The following DENND2D variants were observed in gnomAD, a reference collection of about 807,000 sequenced individuals.
DENND2D encodes DENN domain-containing protein 2D.
A neutral mutation model predicts 59.8 loss-of-function variants in DENND2D; 37 were observed. The observed-to-expected ratio is 0.62, with a 90% CI of 0.48 to 0.81. DENND2D has a LOEUF of 0.81. Ranked by LOEUF, DENND2D falls within the 40% of genes least tolerant of loss-of-function variation. The pLI is 0.00. For missense variants in DENND2D, 525 were observed against 579.7 expected (o/e 0.91, Z 0.97); for synonymous variants, 219 against 211.3 (o/e 1.04, Z -0.31).
chr1:111,190,792 T>G (rs753794291), intron 8 of DENND2D, among the ~76,000 whole-genome samples: 9 of 152,200 alleles, frequency 5.9e-5, no homozygotes, highest in Non-Finnish European at 1.3e-4. Context: ...AAATAGAGCA[T>G]GCACTGTAAT....
rs553299412 is a variant in DENND2D, at chr1:111,196,780, C to T, written c.504+396G>A. 2.4e-5 allele frequency: 5 copies of T among 206,438 alleles called. No homozygotes were observed. In the East Asian group the frequency reaches 3.1e-4, roughly 13 times the overall value. The allele number at this position is 206,438 out of a possible 1,614,324, so 12.8% of individuals were successfully genotyped here. On this transcript the variant is annotated intron_variant, in intron 5 of 11. Transcript: ENST00000357640. Reference sequence around the variant, plus strand: ...ATAACTCCTTCATATTTGTTTAGTGCTCTGCCTTTTATAAAGAGTCTTCTC... The same window carrying T: ...ATAACTCCTTCATATTTGTTTAGTGTTCTGCCTTTTATAAAGAGTCTTCTC...
intron 11 of DENND2D, among the ~76,000 whole-genome samples, 184 bp from the exon 12 acceptor site, chr1:111,187,865 CAG>C (rs1050848522): frequency 1.3e-5 from 2 of 152,184 alleles, no homozygotes; most frequent in African/African-American, 4.8e-5. Flanking sequence ...AGCCCATAAA[CAG>C]AGGATACTTA....
chr1:111,187,646 G>T lies in DENND2D; in HGVS notation c.1375C>A (p.Gln459Lys). 1 of 1,613,860 alleles carries T rather than the reference G, an allele frequency of 6.2e-7. No homozygotes were observed. Among genetic ancestry groups the T allele is most frequent in the Non-Finnish European group, 8.5e-7 (1 of 1,179,858 alleles). The change falls in exon 12 of 12, where the codon CAG becomes AAG. Residue 459 changes from glutamine to lysine, a missense_variant. By Grantham distance (53) the Gln-to-Lys change is moderately conservative (BLOSUM62 1). Transcript: ENST00000357640. ...TCCCTTGGTTTCTTCTGTTTCTTCT[G>T]TTCCTCATATTCAAGTATTTTCTGT... is the stretch of plus-strand genomic sequence containing the variant. ...FQQKILEYEE[Q>K]KKQKKPREKT...
intron 7 of DENND2D, among the ~76,000 whole-genome samples, chr1:111,193,073 A>G (rs1225382278): frequency 6.6e-6 from 1 of 152,208 alleles, no homozygotes; most frequent in African/African-American, 2.4e-5. Flanking sequence ...ACATACACAC[A>G]GTCCCACTCT....
intron 8 of DENND2D, among the ~76,000 whole-genome samples, chr1:111,189,784 T>C (rs1266438900): frequency 1.3e-5 from 2 of 152,152 alleles, no homozygotes; most frequent in African/African-American, 4.8e-5. Flanking sequence ...TCTCTACAAT[T>C]CCCCTTCAAC....
chr1:111,198,980 G>A (rs1364925362), intron 2 of DENND2D, among the ~76,000 whole-genome samples: 1 of 149,674 alleles, frequency 6.7e-6, no homozygotes, highest in Admixed American at 6.6e-5. Context: ...ACATAAGCTT[G>A]AGTTCGACCT....
At position 111,195,930 on chromosome 1, in the gene DENND2D, C is replaced by T. The variant is rs150577405; in HGVS notation, c.631G>A (p.Asp211Asn). The T allele has an allele frequency of 1.3e-4, 203 of 1,613,876 alleles. No homozygotes were observed. The highest frequency in any genetic ancestry group is 1.7e-4 in the Non-Finnish European group (199 of 1,180,006). Residue 211 changes from aspartate (D) to asparagine (N), a missense_variant, in exon 6 of 12, where the codon GAC (aspartate) becomes AAC (asparagine). Physicochemically the swap from Asp to Asn is conservative, Grantham distance 23. Around this residue, in one of 3 missense-constraint regions of DENND2D, gnomAD observed 47 missense variants for 80.9 expected, o/e 0.58. Coordinates refer to ENST00000357640, the MANE Select transcript of DENND2D (RefSeq NM_024901.5). ...TGCTAACCCACCTCAGTGCCTGAGT[C>T]GGGGATGAAGCTCTTGAGAGTGACA... is the stretch of plus-strand genomic sequence containing the variant. ...KTVTLKSFIP[D>N]SGTEFISLTR...
chr1:111,202,160 C>G (rs1032127427), upstream of DENND2D, among the ~76,000 whole-genome samples: 6 of 152,212 alleles, frequency 3.9e-5, no homozygotes, highest in Admixed American at 2.6e-4. Flanking sequence ...TATCACTGAT[C>G]ATTCCAGATT....
chr1:111,187,713 C>G (rs752070115), intron 11 of DENND2D, 32 bp from the exon 12 acceptor site: 2 of 1,546,700 alleles, frequency 1.3e-6, no homozygotes, highest in Admixed American at 1.7e-5. Flanking sequence ...TTAGAGGCAT[C>G]TGATCTGGTC....
In DENND2D at chr1:111,197,247, C is replaced by T. The variant is rs150347742; in HGVS notation, c.433G>A (p.Gly145Ser). ...IGYCRRLLPA[G>S]PGPRLPKVYC... ...ACTTTGGGAAGGCGAGGGCCAGGGC[C>T]GGCAGGCTGGGGAGGGACAGAGAGG... The change falls in exon 5 of 12, where the codon GGC (glycine) becomes AGC (serine). Residue 145 changes from glycine (G) to serine (S), a missense_variant. By Grantham distance (56) the Gly-to-Ser change is moderately conservative. This residue lies in a region of DENND2D where 253 missense variants were observed against 246.4 expected (regional missense o/e 1.03). Transcript: ENST00000357640. 766 of 1,612,780 alleles carry T rather than the reference C, an allele frequency of 4.7e-4. 2 individuals are homozygous for T. In the African/African-American group the frequency reaches 6.5e-3, roughly 14 times the overall value.
chr1:111,187,345 T>A lies in DENND2D; in HGVS notation c.*260A>T, dbSNP rs766744514. The A allele has an allele frequency of 7.6e-5, 37 of 487,380 alleles. No individual in the cohort carries two copies. The highest frequency in any genetic ancestry group is 5.7e-4 in the Middle Eastern group (1 of 1,768). 30.2% of individuals were successfully genotyped at this position (487,380 alleles called of 1,614,324 possible). On this transcript the variant is annotated 3_prime_UTR_variant, in exon 12 of 12. Transcript: ENST00000357640. Reference sequence around the variant, plus strand: ...TGTCTACAACACATGTACTACTGTTTCCTACCTGTGTCACCTCTGCAAAAA... The same window carrying A: ...TGTCTACAACACATGTACTACTGTTACCTACCTGTGTCACCTCTGCAAAAA...
chr1:111,197,149 G>GCAGGACAAA (rs3833538), intron 5 of DENND2D, 27 bp downstream of exon 5: 734,654 of 1,603,316 alleles, frequency 0.46, 174,387 homozygotes, highest in Admixed American at 0.68. Context: ...TGGAATATGG[G>GCAGGACAAA]CAGGCCCTGA....
chr1:111,200,824 G>T, upstream of DENND2D: 1 of 666,396 alleles, frequency 1.5e-6, no homozygotes, highest in Non-Finnish European at 2.1e-6. Flanking sequence ...TAAGGGTTTT[G>T]AATCTGGGCT....
chr1:111,197,783 AG>A, intron 4 of DENND2D, 136 bp downstream of exon 4: 1 of 1,465,030 alleles, frequency 6.8e-7, no homozygotes, highest in Non-Finnish European at 9.0e-7. Context: ...CTAGCATGGC[AG>A]CAGGTCCTGG....
At chr1:111,198,879 G>A (rs1658519236) in intron 2 of DENND2D, 137 bp from the exon 3 acceptor site, 1 of 806,628 alleles carries the variant, frequency 1.2e-6, no homozygotes, top group South Asian at 1.6e-5. Context: ...TAGGGGCGAA[G>A]GGTGCCTTTG....
rs139608049 is a variant in DENND2D at position 111,199,744 on chromosome 1, T to C, written c.122A>G (p.Glu41Gly). The change falls in exon 2 of 12, where the codon GAG (glutamate) becomes GGG (glycine). Residue 41 changes from glutamate (E) to glycine (G), a missense_variant. By Grantham distance (98) the Glu-to-Gly change is moderately conservative (BLOSUM62 -2). This residue lies in a region of DENND2D where 253 missense variants were observed against 246.4 expected (regional missense o/e 1.03). Coordinates refer to ENST00000357640, the MANE Select transcript of DENND2D (RefSeq NM_024901.5). ...EALKEPERAQ[E>G]HSLPNFAGGQ... ...CCCAGCAAAGTTGGGCAAAGAGTGC[T>C]CCTGGGCCCTTTCTGGTTCCTTTAA... 2.8e-5 allele frequency: 45 copies of C among 1,614,050 alleles called. No homozygotes were observed. In the African/African-American group the frequency reaches 5.6e-4, roughly 20 times the overall value.
At chr1:111,194,169 T>C (rs986529587) in intron 7 of DENND2D, among the ~76,000 whole-genome samples, 12 of 152,240 alleles carry the variant, frequency 7.9e-5, no homozygotes, top group African/African-American at 2.9e-4. Flanking sequence ...CCTGTTTGTA[T>C]CTTCCCAATG....
rs754609416 is a variant in DENND2D at position 111,197,912 on chromosome 1, G to T, written c.426+8C>A. On this transcript the variant is annotated splice_region_variant and intron_variant, in intron 4 of 11. Transcript: ENST00000357640. ...AGAAAGGAAGGGGCAGTTCTGAGCTGCACAGACCAAGAGGCGCCTGCAGTA... is the reference window on the plus strand; with the variant it reads ...AGAAAGGAAGGGGCAGTTCTGAGCTTCACAGACCAAGAGGCGCCTGCAGTA... 1.2e-6 allele frequency: 2 copies of T among 1,613,696 alleles called. No individual in the cohort carries two copies. Among genetic ancestry groups the T allele is most frequent in the Non-Finnish European group, 1.7e-6 (2 of 1,179,992 alleles).
chr1:111,199,271 G>T (rs779782847), intron 2 of DENND2D, among the ~76,000 whole-genome samples: 1 of 152,178 alleles, frequency 6.6e-6, no homozygotes, highest in South Asian at 2.1e-4. Flanking sequence ...CCCAGAGAGG[G>T]GATTCATTCT....
Sources: allele counts gnomAD v4.1 joint callset (sites outside exome capture counted in the v4.1 genomes callset), GRCh38; gene constraint gnomAD v4.1.1; regional missense constraint gnomAD v4.1.1; transcripts MANE v1.5; gene names NCBI Gene and HGNC (gene_info 2026-07-23, HGNC 2026-07-21).